Variants in FRMPD4 observed in about 807,000 individuals in gnomAD.
FRMPD4 encodes the protein FERM and PDZ domain containing 4, also known as FERM and PDZ domain-containing protein 4.
Under a neutral mutation model 94.1 loss-of-function variants are expected in FRMPD4, and 22 were observed. The ratio of observed to expected loss-of-function variants is 0.23; its 90% CI spans 0.17 to 0.33. FRMPD4 has a LOEUF of 0.33. Ranked by LOEUF, FRMPD4 falls within the 10% of genes least tolerant of loss-of-function variation. The pLI, the probability that FRMPD4 is intolerant of heterozygous loss-of-function variation, is 1.00. For synonymous variants in FRMPD4, 631 were observed against 548.6 expected, an observed-to-expected ratio of 1.15 and a Z score of -2.10; for missense variants, 1,111 against 1,339.9, an observed-to-expected ratio of 0.83 and a Z score of 2.67.
At chrX:11,893,548 T>C (rs1031804880) in intron 3 of FRMPD4, among the ~76,000 whole-genome samples, 3 of 112,303 alleles carry the variant, frequency 2.7e-5, no homozygotes, top group African/African-American at 9.7e-5. Context: ...CAATATAAAT[T>C]TGAAATTGAG....
At chrX:12,521,963 G>A (rs1010043562) in intron 2 of FRMPD4, among the ~76,000 whole-genome samples, 23 of 111,153 alleles carry the variant, frequency 2.1e-4, no homozygotes, top group African/African-American at 7.2e-4. Context: ...TACCCATGGG[G>A]CTATAGGAGG....
chrX:12,423,082 T>C (rs16986880), intron 1 of FRMPD4, among the ~76,000 whole-genome samples: 2,375 of 110,416 alleles, frequency 0.022, 70 homozygotes, highest in African/African-American at 0.075. Flanking sequence ...GCTATAACCT[T>C]GTGCTCCTGA....
At chrX:12,122,022 T>C (rs1476097046) in intron 3 of FRMPD4, among the ~76,000 whole-genome samples, 1 of 111,926 alleles carries the variant, frequency 8.9e-6, no homozygotes, top group Non-Finnish European at 1.9e-5. Context: ...TCACCACACA[T>C]TTATGAGTTT....
intron 3 of FRMPD4, among the ~76,000 whole-genome samples, chrX:12,109,613 C>CA (rs1424276911): frequency 9.0e-6 from 1 of 111,315 alleles, no homozygotes; most frequent in Non-Finnish European, 1.9e-5. Flanking sequence ...AAAATCCCTT[C>CA]AAAAAATCAA....
intron 10 of FRMPD4, among the ~76,000 whole-genome samples, chrX:12,704,150 C>A (rs753135856): frequency 8.9e-6 from 1 of 112,575 alleles, no homozygotes; most frequent in South Asian, 3.7e-4. Flanking sequence ...GAATGAGGAA[C>A]AGATTTCTTT....
At chrX:12,116,893 C>T (rs190758844) in intron 3 of FRMPD4, among the ~76,000 whole-genome samples, 13 of 111,912 alleles carry the variant, frequency 1.2e-4, no homozygotes, top group Admixed American at 1.0e-3. Context: ...TTCCCTATGC[C>T]AAGTTAGTTA....
At chrX:12,448,607 C>G (rs2057229162) in intron 1 of FRMPD4, among the ~76,000 whole-genome samples, 1 of 112,176 alleles carries the variant, frequency 8.9e-6, no homozygotes, top group Admixed American at 9.4e-5. Context: ...TTAAATTATC[C>G]AGGCAAATGG....
intron 3 of FRMPD4, among the ~76,000 whole-genome samples, chrX:12,108,259 G>A (rs761631095): frequency 0.058 from 6,404 of 111,134 alleles, 447 homozygotes; most frequent in African/African-American, 0.2. Flanking sequence ...AGAGAGTGGG[G>A]GCCAATATTC....
rs147245127 is a variant in FRMPD4 at position 11,977,473 on chromosome X, G to A, written c.95+99455G>A. On this transcript the variant is annotated intron_variant, in intron 3 of 18. Transcript: ENST00000640291. Reference sequence around the variant, plus strand: ...GTGAAATCATATTAAATGGGAATATGAGAAGAGAGTGTTGATGAAAAGAGT... The same window carrying A: ...GTGAAATCATATTAAATGGGAATATAAGAAGAGAGTGTTGATGAAAAGAGT... Among the ~76,000 whole-genome samples the A allele has an allele frequency of 2.7e-4, 30 of 112,505 alleles. No homozygotes were observed. In the East Asian group the frequency reaches 8.3e-3, roughly 31 times the overall value.
intron 1 of FRMPD4, among the ~76,000 whole-genome samples, chrX:12,272,821 A>G (rs1028801416): frequency 8.9e-6 from 1 of 111,954 alleles, no homozygotes; most frequent in Non-Finnish European, 1.9e-5. Context: ...TGTAATCCTA[A>G]CACTTTGGAG....
intron 1 of FRMPD4, among the ~76,000 whole-genome samples, chrX:12,441,792 C>T (rs569324193): frequency 8.9e-6 from 1 of 112,164 alleles, no homozygotes; most frequent in South Asian, 3.7e-4. Flanking sequence ...AATGACATGC[C>T]TTTTAACTAT....
At chrX:12,641,593 C>A (rs188411564) in intron 4 of FRMPD4, among the ~76,000 whole-genome samples, 1 of 112,183 alleles carries the variant, frequency 8.9e-6, no homozygotes, top group East Asian at 2.8e-4. Flanking sequence ...GTAAGAAGTT[C>A]AAGTTCTGTT....
chrX:12,569,644 ATAATT>A (rs2058743800), intron 2 of FRMPD4, among the ~76,000 whole-genome samples: 1 of 112,756 alleles, frequency 8.9e-6, no homozygotes, highest in Admixed American at 9.4e-5. Flanking sequence ...AGACTAACAC[ATAATT>A]TAATTCAAGT....
chrX:12,354,171 G>A (rs1404344688), intron 1 of FRMPD4, among the ~76,000 whole-genome samples: 1 of 112,411 alleles, frequency 8.9e-6, no homozygotes, highest in Non-Finnish European at 1.9e-5. Flanking sequence ...TAGTAGGTAT[G>A]TTCTCTGTTG....
chrX:12,297,987 G>A (rs2054799209), intron 1 of FRMPD4, among the ~76,000 whole-genome samples: 1 of 111,277 alleles, frequency 9.0e-6, no homozygotes. Flanking sequence ...AAATGATGCA[G>A]CTAATAATCA....
At chrX:12,661,205 G>T (rs1032905309) in intron 4 of FRMPD4, among the ~76,000 whole-genome samples, 1 of 112,383 alleles carries the variant, frequency 8.9e-6, no homozygotes, top group South Asian at 3.7e-4. Context: ...ATATTAGAAG[G>T]TGTGTTACTT....
intron 3 of FRMPD4, among the ~76,000 whole-genome samples, chrX:12,613,221 T>A (rs954303721): frequency 8.9e-6 from 1 of 112,256 alleles, no homozygotes; most frequent in Non-Finnish European, 1.9e-5. Flanking sequence ...ATTCAGGTAA[T>A]TGTTTTTATA....
intron 1 of FRMPD4, among the ~76,000 whole-genome samples, chrX:12,420,010 A>G (rs987178163): frequency 2.7e-5 from 3 of 111,228 alleles, no homozygotes; most frequent in Non-Finnish European, 5.7e-5. Flanking sequence ...CTTTCTGCCA[A>G]TCTTCATACC....
chrX:11,851,674 C>A (rs1360359716), intron 1 of FRMPD4, among the ~76,000 whole-genome samples: 3 of 111,469 alleles, frequency 2.7e-5, no homozygotes, highest in African/African-American at 9.8e-5. Context: ...ATTCCTTTCC[C>A]TGTTCATTTC....
Sources: allele counts gnomAD v4.1 joint callset (sites outside exome capture counted in the v4.1 genomes callset), GRCh38; gene constraint gnomAD v4.1.1; transcripts MANE v1.5; gene names NCBI Gene and HGNC (gene_info 2026-07-23, HGNC 2026-07-21).